Variants in RXFP1 observed in about 807,000 individuals in gnomAD.
The protein encoded by RXFP1 is relaxin receptor 1.
In RXFP1, 73 loss-of-function variants were observed where a neutral mutation model predicts 89.8. The ratio of observed to expected loss-of-function variants is 0.81; its 90% confidence interval spans 0.67 to 0.99. The LOEUF is 0.99. Among genes scored for constraint, RXFP1 ranks in the 50% least tolerant of loss-of-function variants. The probability of loss-of-function intolerance (pLI) is 0.00; values close to 1 mark genes in which losing one functional copy is unlikely to be tolerated. For synonymous variants in RXFP1, 277 were observed against 305.5 expected (o/e 0.91, Z 0.97); for missense variants, 793 against 895.5 (o/e 0.89, Z 1.46).
chr4:158,653,193 T>C lies in RXFP1; in HGVS notation c.*1138T>C, dbSNP rs1773021341. 4 of 152,240 alleles carry C rather than the reference T, an allele frequency of 2.6e-5. No homozygotes were observed. The highest frequency in any genetic ancestry group is 2.6e-4 in the Admixed American group (4 of 15,288). 9.4% of individuals were successfully genotyped at this position (152,240 alleles called of 1,614,324 possible). A position where few individuals can be genotyped will look rare whatever the true frequency, so the allele number is the denominator to read the frequency against. On this transcript the variant is annotated 3_prime_UTR_variant, in exon 18 of 18. Coordinates refer to ENST00000307765, the MANE Select transcript of RXFP1 (RefSeq NM_021634.4). ...CTCTAGTCTCTACGTTATTAGAATT[T>C]TTTGCTTTCATAATGTGAAACCTTT...
intron 6 of RXFP1, 83 bp from the exon 7 acceptor site, chr4:158,612,047 G>T: frequency 8.6e-7 from 1 of 1,161,940 alleles, no homozygotes; most frequent in Non-Finnish European, 1.2e-6. Context: ...AAAAATTTAA[G>T]ATGGATGATT....
intron 12 of RXFP1, among the ~76,000 whole-genome samples, chr4:158,633,936 A>C (rs532246806): frequency 2.0e-5 from 3 of 152,270 alleles, no homozygotes; most frequent in African/African-American, 7.2e-5. Context: ...ATCAATGGAC[A>C]TTTTAGTTGC....
chr4:158,557,220 T>C (rs1373946386), intron 1 of RXFP1, among the ~76,000 whole-genome samples: 1 of 152,218 alleles, frequency 6.6e-6, no homozygotes. Flanking sequence ...TATGTATGTA[T>C]CAATTTTTAA....
intron 1 of RXFP1, among the ~76,000 whole-genome samples, chr4:158,566,843 G>C (rs771463129): frequency 6.6e-6 from 1 of 152,228 alleles, no homozygotes; most frequent in African/African-American, 2.4e-5. Context: ...CATTCTGGCC[G>C]GGCTTGAGGA....
intron 1 of RXFP1, among the ~76,000 whole-genome samples, chr4:158,538,814 A>G (rs2149819322): frequency 6.6e-6 from 1 of 152,202 alleles, no homozygotes; most frequent in Admixed American, 6.5e-5. Context: ...CAAAAAAAAA[A>G]AAAAAAAAGA....
chr4:158,568,309 A>G (rs1392152812), intron 1 of RXFP1, among the ~76,000 whole-genome samples: 2 of 152,254 alleles, frequency 1.3e-5, no homozygotes, highest in Non-Finnish European at 2.9e-5. Context: ...GAGGAGCTAT[A>G]TCTGCCACTA....
At chr4:158,528,838 G>T (rs1217719905) in intron 1 of RXFP1, among the ~76,000 whole-genome samples, 1 of 152,046 alleles carries the variant, frequency 6.6e-6, no homozygotes, top group Non-Finnish European at 1.5e-5. Context: ...TTTTTTCTGG[G>T]TGCCCCAGAT....
Position 158,596,315 on chromosome 4 carries a change from G to A in RXFP1, c.286+2816G>A, listed in dbSNP as rs185730826. On this transcript the variant is annotated intron_variant, in intron 3 of 17. Transcript: ENST00000307765. The stretch of plus-strand genomic sequence containing the variant: ...TTTCACTCTTGTTGCCCAGACTGGA[G>A]TGCAATGGCGCAATCTTGGCTCACT... Among the ~76,000 whole-genome samples, 9 of 147,030 alleles carry A rather than the reference G, an allele frequency of 6.1e-5. No homozygotes were observed. The East Asian group carries it at 1.8e-3, about 29-fold the overall frequency.
At chr4:158,545,218 A>T (rs976512893) in intron 1 of RXFP1, among the ~76,000 whole-genome samples, 1 of 151,576 alleles carries the variant, frequency 6.6e-6, no homozygotes, top group African/African-American at 2.4e-5. Flanking sequence ...GCATTTTTTC[A>T]TGTGTTTTTT....
At chr4:158,642,170 CAAA>C (rs897941471) in intron 14 of RXFP1, among the ~76,000 whole-genome samples, 9 of 151,756 alleles carry the variant, frequency 5.9e-5, no homozygotes, top group Non-Finnish European at 8.8e-5. Flanking sequence ...TATTAATTGA[CAAA>C]TAATAATTGC....
intron 1 of RXFP1, among the ~76,000 whole-genome samples, chr4:158,565,663 A>C (rs773974761): frequency 2.6e-5 from 4 of 152,212 alleles, no homozygotes; most frequent in Admixed American, 1.3e-4. Flanking sequence ...AATTTGAGAC[A>C]ACTTGCACAT....
chr4:158,624,259 CA>C (rs1160204053), intron 9 of RXFP1, among the ~76,000 whole-genome samples: 4 of 152,150 alleles, frequency 2.6e-5, no homozygotes, highest in Non-Finnish European at 5.9e-5. Flanking sequence ...GGTAAGTTTA[CA>C]GATGTCAGGC....
intron 1 of RXFP1, among the ~76,000 whole-genome samples, chr4:158,543,040 CT>C (rs1214902160): frequency 6.6e-6 from 1 of 152,086 alleles, no homozygotes; most frequent in East Asian, 1.9e-4. Context: ...ACAAAATAAT[CT>C]GAAAACAAAC....
intron 1 of RXFP1, among the ~76,000 whole-genome samples, chr4:158,546,266 T>C (rs1748369074): frequency 6.6e-6 from 1 of 152,204 alleles, no homozygotes; most frequent in Non-Finnish European, 1.5e-5. Context: ...GTTATTGGTG[T>C]ATAAGAATGC....
intron 2 of RXFP1, among the ~76,000 whole-genome samples, chr4:158,590,692 G>A (rs527311549): frequency 1.3e-5 from 2 of 152,006 alleles, no homozygotes; most frequent in South Asian, 2.1e-4. Flanking sequence ...CATGATTGCC[G>A]TTATCTGTAA....
At chr4:158,598,426 C>A (rs1231486648) in intron 3 of RXFP1, among the ~76,000 whole-genome samples, 2 of 152,124 alleles carry the variant, frequency 1.3e-5, no homozygotes, top group Non-Finnish European at 2.9e-5. Flanking sequence ...GAGTCTGTAA[C>A]CCCTGCTGTA....
At chr4:158,602,485 A>G (rs996061278) in intron 4 of RXFP1, among the ~76,000 whole-genome samples, 1 of 152,080 alleles carries the variant, frequency 6.6e-6, no homozygotes, top group African/African-American at 2.4e-5. Flanking sequence ...GCCATGGCCT[A>G]TATATCCTCC....
intron 4 of RXFP1, among the ~76,000 whole-genome samples, 162 bp downstream of exon 4, chr4:158,599,593 T>G (rs1315047725): frequency 6.6e-6 from 1 of 152,212 alleles, no homozygotes; most frequent in African/African-American, 2.4e-5. Context: ...TTGCATTTAT[T>G]AAATGCTAGA....
chr4:158,569,785 G>C (rs141824437), intron 1 of RXFP1, among the ~76,000 whole-genome samples: 71 of 152,224 alleles, frequency 4.7e-4, no homozygotes, highest in African/African-American at 1.5e-3. Context: ...CAAGGGCTTT[G>C]TTTACAATGA....
Sources: allele counts gnomAD v4.1 joint callset (sites outside exome capture counted in the v4.1 genomes callset), GRCh38; gene constraint gnomAD v4.1.1; transcripts MANE v1.5; gene names NCBI Gene and HGNC (gene_info 2026-07-23, HGNC 2026-07-21).